IFTAP: variants seen among roughly 807,000 people sequenced by gnomAD.
IFTAP encodes the protein intraflagellar transport associated protein.
Under a neutral mutation model 19.4 loss-of-function variants are expected in IFTAP, and 19 were observed. The ratio of observed to expected loss-of-function variants is 0.98; its 90% confidence interval spans 0.68 to 1.44. The LOEUF (loss-of-function observed/expected upper bound fraction) is 1.44. Among genes scored for constraint, IFTAP ranks in the 40% most tolerant of loss-of-function variants. IFTAP has a pLI of 0.00. For missense variants in IFTAP, 240 were observed against 253.6 expected (o/e 0.95, Z 0.36); for synonymous variants, 85 against 83.5 (o/e 1.02, Z -0.10).
chr11:36,607,509 G>T (rs1340107392), intron 1 of IFTAP, among the ~76,000 whole-genome samples: 1 of 152,062 alleles, frequency 6.6e-6, no homozygotes, highest in Non-Finnish European at 1.5e-5. Flanking sequence ...GAATAGTAAC[G>T]CTGAGTAGAA....
chr11:36,611,166 A>C (rs926103589), intron 2 of IFTAP, among the ~76,000 whole-genome samples: 1 of 152,056 alleles, frequency 6.6e-6, no homozygotes, highest in Non-Finnish European at 1.5e-5. Flanking sequence ...TCATTCATTC[A>C]AGTGGCCCCC....
chr11:36,653,484 T>C (rs1853832784), intron 5 of IFTAP, among the ~76,000 whole-genome samples: 1 of 152,178 alleles, frequency 6.6e-6, no homozygotes, highest in Non-Finnish European at 1.5e-5. Flanking sequence ...AAGTCTTTAC[T>C]GAAATAAATC....
At chr11:36,596,195 C>CA (rs1465315505) in intron 1 of IFTAP, among the ~76,000 whole-genome samples, 2 of 140,568 alleles carry the variant, frequency 1.4e-5, no homozygotes, top group Non-Finnish European at 3.0e-5. Context: ...TCTGGTCACT[C>CA]TAATGAGATG....
intron 4 of IFTAP, among the ~76,000 whole-genome samples, chr11:36,641,014 C>T (rs138138210): frequency 0.011 from 1,609 of 152,096 alleles, 27 homozygotes; most frequent in African/African-American, 0.036. Context: ...TTTTTCAGAT[C>T]GTGGTGTAGT....
chr11:36,630,820 G>T (rs899925845), intron 2 of IFTAP, among the ~76,000 whole-genome samples: 1 of 151,306 alleles, frequency 6.6e-6, no homozygotes, highest in Non-Finnish European at 1.5e-5. Flanking sequence ...AACTGAAACC[G>T]TTTCACCTTT....
intron 4 of IFTAP, among the ~76,000 whole-genome samples, chr11:36,647,543 G>T (rs752001181): frequency 6.6e-6 from 1 of 152,098 alleles, no homozygotes; most frequent in Non-Finnish European, 1.5e-5. Context: ...TCTGCTGAAA[G>T]TTAAAGTACT....
At chr11:36,618,678 G>A (rs1172184076) in intron 2 of IFTAP, among the ~76,000 whole-genome samples, 1 of 152,084 alleles carries the variant, frequency 6.6e-6, no homozygotes, top group Non-Finnish European at 1.5e-5. Flanking sequence ...GGATGGCACA[G>A]AAGGGAGAGC....
At chr11:36,607,354 G>T (rs980624308) in intron 1 of IFTAP, among the ~76,000 whole-genome samples, 3 of 152,038 alleles carry the variant, frequency 2.0e-5, no homozygotes, top group Non-Finnish European at 4.4e-5. Context: ...AAACCCTCAG[G>T]GTCAGATGTG....
chr11:36,650,711 C>T (rs2133527923), intron 5 of IFTAP, among the ~76,000 whole-genome samples: 1 of 152,192 alleles, frequency 6.6e-6, no homozygotes, highest in East Asian at 1.9e-4. Context: ...CCCCCTTCCC[C>T]CACCCCACAA....
chr11:36,644,233 C>T (rs200054684), intron 4 of IFTAP, among the ~76,000 whole-genome samples: 5 of 148,552 alleles, frequency 3.4e-5, no homozygotes, highest in Middle Eastern at 3.2e-3. Flanking sequence ...ATGCAGCCAA[C>T]GGGCACATGA....
chr11:36,604,174 CT>C (rs1452723221), intron 1 of IFTAP, among the ~76,000 whole-genome samples: 1 of 152,174 alleles, frequency 6.6e-6, no homozygotes, highest in African/African-American at 2.4e-5. Flanking sequence ...TCTCTTAAAG[CT>C]TTGTAGTCAA....
chr11:36,642,846 T>C (rs1286592288), intron 4 of IFTAP, among the ~76,000 whole-genome samples: 1 of 152,190 alleles, frequency 6.6e-6, no homozygotes, highest in African/African-American at 2.4e-5. Context: ...TAGGTATTGA[T>C]GGGACATATC....
intron 1 of IFTAP, among the ~76,000 whole-genome samples, chr11:36,603,795 G>A (rs943775146): frequency 7.2e-5 from 11 of 151,786 alleles, no homozygotes; most frequent in Admixed American, 1.3e-4. Flanking sequence ...GGTGGTGTGC[G>A]CCTGTAATCC....
intron 2 of IFTAP, among the ~76,000 whole-genome samples, chr11:36,622,926 A>G (rs1852360490): frequency 6.6e-6 from 1 of 152,178 alleles, no homozygotes. Flanking sequence ...ATGGTGTAAG[A>G]GTACAATTCA....
At chr11:36,597,896 C>T (rs1000707417) in intron 1 of IFTAP, among the ~76,000 whole-genome samples, 2 of 152,000 alleles carry the variant, frequency 1.3e-5, no homozygotes, top group Admixed American at 1.3e-4. Flanking sequence ...TAATAGTGCT[C>T]TAAAGGCCTA....
chr11:36,609,544 C>T (rs1465803109), intron 1 of IFTAP, among the ~76,000 whole-genome samples: 1 of 152,042 alleles, frequency 6.6e-6, no homozygotes, highest in African/African-American at 2.4e-5. Flanking sequence ...GTGGAGTCAC[C>T]CGATGAATAG....
At chr11:36,632,520 A>G (rs1251522096) in intron 2 of IFTAP, among the ~76,000 whole-genome samples, 1 of 151,184 alleles carries the variant, frequency 6.6e-6, no homozygotes, top group East Asian at 1.9e-4. Flanking sequence ...TAATAGCATC[A>G]TGATATAATT....
At chr11:36,618,126 A>G (rs1173996422) in intron 2 of IFTAP, among the ~76,000 whole-genome samples, 1 of 151,958 alleles carries the variant, frequency 6.6e-6, no homozygotes, top group Non-Finnish European at 1.5e-5. Flanking sequence ...GCTATTGTGG[A>G]CTGAATTGTG....
chr11:36,631,896 T>G (rs953284927), intron 2 of IFTAP, among the ~76,000 whole-genome samples: 1 of 151,182 alleles, frequency 6.6e-6, no homozygotes, highest in Admixed American at 6.6e-5. Context: ...TTAGTTCTTC[T>G]TTGACTATTG....
Sources: allele counts gnomAD v4.1 joint callset (sites outside exome capture counted in the v4.1 genomes callset), GRCh38; gene constraint gnomAD v4.1.1; transcripts MANE v1.5; gene names NCBI Gene and HGNC (gene_info 2026-07-23, HGNC 2026-07-21).